Variants in RGS7 observed in about 807,000 individuals in gnomAD.
RGS7 encodes the protein regulator of G protein signaling 7.
Under a neutral mutation model 81.1 loss-of-function variants are expected in RGS7, and 27 were observed. The ratio of observed to expected loss-of-function variants is 0.33; its 90% CI spans 0.25 to 0.46. The LOEUF is 0.46. Among genes scored for constraint, RGS7 ranks in the 20% least tolerant of loss-of-function variants. RGS7 has a pLI of 1.00. For synonymous variants in RGS7, 208 were observed against 207.7 expected (o/e 1.00, Z -0.01); for missense variants, 396 against 607.4 (o/e 0.65, Z 3.66).
downstream of RGS7, among the ~76,000 whole-genome samples, chr1:240,775,080 T>A (rs1318417097): frequency 6.6e-6 from 1 of 152,176 alleles, no homozygotes; most frequent in Admixed American, 6.5e-5. Flanking sequence ...GGTGACTGTA[T>A]TCTCAAAATA....
chr1:240,862,622 A>T (rs932707865), intron 9 of RGS7, among the ~76,000 whole-genome samples: 7 of 152,202 alleles, frequency 4.6e-5, no homozygotes, highest in African/African-American at 1.7e-4. Flanking sequence ...AAAACATTCA[A>T]CAAAAATGCT....
At chr1:241,249,464 T>G (rs2076725120) in intron 2 of RGS7, among the ~76,000 whole-genome samples, 1 of 152,190 alleles carries the variant, frequency 6.6e-6, no homozygotes, top group Admixed American at 6.5e-5. Flanking sequence ...CTACACTGTT[T>G]TGCTTACTTT....
intron 2 of RGS7, among the ~76,000 whole-genome samples, chr1:241,157,248 G>GCTGAATGCC (rs1417158274): frequency 4.6e-5 from 7 of 152,178 alleles, no homozygotes; most frequent in African/African-American, 1.7e-4. Flanking sequence ...CTCTGCTCCT[G>GCTGAATGCC]CTGAATGCCC....
At chr1:241,194,064 TAAGC>T (rs111810345) in intron 2 of RGS7, among the ~76,000 whole-genome samples, 4 of 152,354 alleles carry the variant, frequency 2.6e-5, no homozygotes, top group African/African-American at 9.6e-5. Flanking sequence ...TGGATGAACA[TAAGC>T]ACTGTCTATA....
chr1:240,891,096 T>G (rs1668218006), intron 6 of RGS7, among the ~76,000 whole-genome samples: 1 of 152,220 alleles, frequency 6.6e-6, no homozygotes, highest in Admixed American at 6.5e-5. Context: ...TTTAACTTCA[T>G]CAAATTTGCT....
At chr1:241,316,818 A>G (rs1046523839) in intron 2 of RGS7, among the ~76,000 whole-genome samples, 1 of 152,214 alleles carries the variant, frequency 6.6e-6, no homozygotes, top group Admixed American at 6.5e-5. Flanking sequence ...TTTTCAGAAG[A>G]TGAATGTCAA....
intron 3 of RGS7, among the ~76,000 whole-genome samples, chr1:241,062,357 T>C (rs1161491123): frequency 6.6e-6 from 1 of 152,166 alleles, no homozygotes; most frequent in Admixed American, 6.5e-5. Flanking sequence ...CCAACAACCA[T>C]ACTGTACAGT....
chr1:240,892,494 T>A (rs915281357), intron 6 of RGS7, among the ~76,000 whole-genome samples: 4 of 152,232 alleles, frequency 2.6e-5, no homozygotes, highest in African/African-American at 9.6e-5. Context: ...ATCTAAAACG[T>A]TGCTTTTCAC....
chr1:240,880,996 C>A (rs1008130876), intron 6 of RGS7, among the ~76,000 whole-genome samples: 3 of 151,928 alleles, frequency 2.0e-5, no homozygotes, highest in African/African-American at 7.3e-5. Flanking sequence ...AACATCAACC[C>A]CAAGACTCAA....
At chr1:240,782,027 A>G (rs1684199755) in intron 18 of RGS7, among the ~76,000 whole-genome samples, 1 of 140,020 alleles carries the variant, frequency 7.1e-6, no homozygotes. Flanking sequence ...AAAAAAAAAA[A>G]GAGATCTTAA....
chr1:241,196,303 G>T (rs1372651935), intron 2 of RGS7, among the ~76,000 whole-genome samples: 1 of 151,966 alleles, frequency 6.6e-6, no homozygotes, highest in Non-Finnish European at 1.5e-5. Context: ...ACACAAATAA[G>T]AACTGAATGC....
At chr1:241,023,407 T>C (rs950470139) in intron 3 of RGS7, among the ~76,000 whole-genome samples, 6 of 152,212 alleles carry the variant, frequency 3.9e-5, no homozygotes, top group Admixed American at 2.6e-4. Flanking sequence ...CTGAGAACCA[T>C]TCCTTTGAAA....
chr1:240,917,211 G>T (rs1672752075), intron 6 of RGS7, among the ~76,000 whole-genome samples: 2 of 151,994 alleles, frequency 1.3e-5, no homozygotes, highest in South Asian at 4.1e-4. Context: ...AACAAAAACT[G>T]AGAGAATTTG....
chr1:241,018,283 T>C (rs2059369764), intron 3 of RGS7, among the ~76,000 whole-genome samples: 3 of 151,878 alleles, frequency 2.0e-5, no homozygotes, highest in Non-Finnish European at 4.4e-5. Flanking sequence ...ATACCCTGCC[T>C]CGCCTTGTCT....
intron 5 of RGS7, among the ~76,000 whole-genome samples, chr1:240,935,897 C>T (rs1475038976): frequency 6.6e-6 from 1 of 152,224 alleles, no homozygotes; most frequent in Non-Finnish European, 1.5e-5. Flanking sequence ...CTTAATTTTA[C>T]AGGCTAGAAT....
intron 2 of RGS7, among the ~76,000 whole-genome samples, chr1:241,295,014 G>A (rs1486533971): frequency 2.0e-5 from 3 of 152,178 alleles, no homozygotes; most frequent in Non-Finnish European, 4.4e-5. Flanking sequence ...AAAAATAAAC[G>A]GAGGTGAAAT....
In RGS7 at chr1:240,928,845, A is replaced by G. The variant is rs962718101; in HGVS notation, c.385+1872T>C. On this transcript the variant is annotated intron_variant, in intron 6 of 18. Coordinates refer to ENST00000440928, the MANE Select transcript of RGS7 (RefSeq NM_001364886.1). ...AGGCTGGTCTCAAACTCTTGATCTCAGGTGATCTGCCCGCCTCAGCCTCCC... is the reference window on the plus strand; with the variant it reads ...AGGCTGGTCTCAAACTCTTGATCTCGGGTGATCTGCCCGCCTCAGCCTCCC... Among the ~76,000 whole-genome samples the G allele has an allele frequency of 3.3e-5, 5 of 152,226 alleles. No homozygotes were observed. In the East Asian group the frequency reaches 7.8e-4, roughly 24 times the overall value.
At chr1:241,085,239 T>C (rs2063361990) in intron 3 of RGS7, among the ~76,000 whole-genome samples, 2 of 152,194 alleles carry the variant, frequency 1.3e-5, no homozygotes, top group South Asian at 2.1e-4. Context: ...AATTAATGAA[T>C]ATCAAGAACA....
intron 2 of RGS7, among the ~76,000 whole-genome samples, chr1:241,272,005 A>AT (rs1447092117): frequency 5.2e-5 from 4 of 76,772 alleles, no homozygotes; most frequent in Non-Finnish European, 1.2e-4. Context: ...TTTTATTTTT[A>AT]TTTTTTGAGA....
Sources: gnomAD v4.1 joint callset for allele counts (sites outside exome capture counted in the v4.1 genomes callset) on GRCh38, gnomAD v4.1.1 for gene constraint, MANE v1.5 for transcripts, NCBI Gene and HGNC (gene_info 2026-07-23, HGNC 2026-07-21) for gene names.